The following MICU1 variants were observed in gnomAD, a reference collection of about 807,000 sequenced individuals.
The protein encoded by MICU1 is calcium uptake protein 1, mitochondrial.
A neutral mutation model predicts 56.8 loss-of-function variants in MICU1; 45 were observed. That is an observed-to-expected ratio of 0.79 (90% CI 0.62 to 1.02). The LOEUF (loss-of-function observed/expected upper bound fraction) is 1.02. MICU1 is among the 50% of genes least tolerant of loss of function. The pLI, the probability that MICU1 is intolerant of heterozygous loss-of-function variation, is 0.00. For synonymous variants in MICU1, 186 were observed against 195.1 expected (o/e 0.95, Z 0.39); for missense variants, 504 against 587.1 (o/e 0.86, Z 1.46).
intron 6 of MICU1, among the ~76,000 whole-genome samples, chr10:72,500,282 A>ATATT (rs1554881691): frequency 5.3e-3 from 75 of 14,066 alleles, no homozygotes; most frequent in African/African-American, 9.0e-3. Flanking sequence ...ATATATATAT[A>ATATT]TATATATATA....
At chr10:72,419,637 G>C (rs560568159) in intron 9 of MICU1, among the ~76,000 whole-genome samples, 1 of 152,328 alleles carries the variant, frequency 6.6e-6, no homozygotes, top group Non-Finnish European at 1.5e-5. Flanking sequence ...AGGAAAACTG[G>C]GACAAGCACT....
rs1271738633 is a variant in MICU1 at position 72,422,937 on chromosome 10, G to A, written c.1071+297C>T. On this transcript the variant is annotated intron_variant, in intron 9 of 11. Coordinates refer to ENST00000361114, the MANE Select transcript of MICU1 (RefSeq NM_001195518.2). The stretch of plus-strand genomic sequence containing the variant: ...GTTGGCCAGGCTGGTCTTGAACCAT[G>A]ACCAGCCCATGACTGAATTCTTTAT... Among the ~76,000 whole-genome samples the A allele has an allele frequency of 9.4e-5, 2 of 21,202 alleles. 1 individual carries two copies. Among genetic ancestry groups the A allele is most frequent in the Non-Finnish European group, 2.8e-4 (2 of 7,232 alleles). The allele number at this position is 21,202 out of a possible 152,430, so 13.9% of individuals were successfully genotyped here. A position where few individuals can be genotyped will look rare whatever the true frequency, so the allele number is the denominator to read the frequency against.
chr10:72,608,372 G>A (rs1339021053), intron 1 of MICU1, among the ~76,000 whole-genome samples: 7 of 152,062 alleles, frequency 4.6e-5, no homozygotes, highest in Non-Finnish European at 1.0e-4. Flanking sequence ...TCTCCTGGCC[G>A]AAATGCTTCT....
At chr10:72,590,641 G>A (rs998287639) in intron 1 of MICU1, among the ~76,000 whole-genome samples, 8 of 151,748 alleles carry the variant, frequency 5.3e-5, no homozygotes, top group Admixed American at 2.0e-4. Context: ...GTGAAACCCC[G>A]TCTCTACTAA....
chr10:72,534,932 G>C (rs1386544017), intron 4 of MICU1, among the ~76,000 whole-genome samples: 1 of 151,702 alleles, frequency 6.6e-6, no homozygotes, highest in African/African-American at 2.4e-5. Context: ...ATCAGAACAG[G>C]CTTCTGATAA....
At chr10:72,381,561 T>C (rs367919520) in intron 10 of MICU1, among the ~76,000 whole-genome samples, 2 of 152,244 alleles carry the variant, frequency 1.3e-5, no homozygotes, top group East Asian at 3.9e-4. Flanking sequence ...CTACAAGTAA[T>C]GGAAATGATA....
At chr10:72,402,461 C>T (rs1170082512) in intron 10 of MICU1, among the ~76,000 whole-genome samples, 3 of 152,062 alleles carry the variant, frequency 2.0e-5, no homozygotes, top group Non-Finnish European at 4.4e-5. Context: ...CCTTTAAAAA[C>T]CCACTTGTAA....
intron 5 of MICU1, chr10:72,532,875 C>A: frequency 8.6e-7 from 1 of 1,164,014 alleles, no homozygotes; most frequent in Non-Finnish European, 1.1e-6. Context: ...CAACACTTAT[C>A]TCTCCACCTT....
At chr10:72,383,062 G>A (rs1274933993) in intron 10 of MICU1, among the ~76,000 whole-genome samples, 1 of 152,108 alleles carries the variant, frequency 6.6e-6, no homozygotes, top group Non-Finnish European at 1.5e-5. Context: ...GGCAATAGAG[G>A]AAGACCTCAT....
chr10:72,404,596 G>T (rs557203381), intron 10 of MICU1, among the ~76,000 whole-genome samples: 1 of 152,144 alleles, frequency 6.6e-6, no homozygotes, highest in East Asian at 1.9e-4. Flanking sequence ...GGAGTAAAAG[G>T]GGATTTCAGA....
intron 8 of MICU1, among the ~76,000 whole-genome samples, chr10:72,450,842 A>G (rs1002007690): frequency 1.3e-5 from 2 of 149,940 alleles, no homozygotes; most frequent in African/African-American, 4.9e-5. Context: ...CTCCCGCTTC[A>G]GCCTCCCAAG....
intron 5 of MICU1, among the ~76,000 whole-genome samples, chr10:72,512,097 G>GTTTTTTTTTTTTTTTTTTTTTTTT (rs1867471926): frequency 7.9e-5 from 8 of 100,702 alleles, no homozygotes; most frequent in African/African-American, 3.3e-4. Flanking sequence ...TCCATACACA[G>GTTTTTTTTTTTTTTTTTTTTTTTT]TTGTTTTTTG....
intron 6 of MICU1, among the ~76,000 whole-genome samples, chr10:72,478,394 C>T (rs972122502): frequency 3.3e-5 from 5 of 152,244 alleles, no homozygotes; most frequent in Middle Eastern, 3.4e-3. Flanking sequence ...CAACAGCCCT[C>T]CTCCCTTCCC....
intron 4 of MICU1, among the ~76,000 whole-genome samples, chr10:72,549,684 A>C (rs1839984560): frequency 6.6e-6 from 1 of 152,046 alleles, no homozygotes; most frequent in Admixed American, 6.6e-5. Flanking sequence ...TAATCTCATC[A>C]CTTTGGGAGG....
intron 5 of MICU1, among the ~76,000 whole-genome samples, chr10:72,521,538 T>G (rs965845741): frequency 6.6e-6 from 1 of 152,058 alleles, no homozygotes; most frequent in East Asian, 1.9e-4. Flanking sequence ...ATTTGCATTA[T>G]CTCTTTAAGT....
chr10:72,416,009 T>C (rs965054697), intron 9 of MICU1, among the ~76,000 whole-genome samples: 9 of 152,160 alleles, frequency 5.9e-5, no homozygotes, highest in Admixed American at 5.2e-4. Context: ...AAATGTCTAG[T>C]ACACAGAAAG....
Position 72,368,236 on chromosome 10 carries a change from C to A in MICU1, c.1390G>T (p.Ala464Ser). 6.2e-7 allele frequency: 1 copy of A among 1,613,874 alleles called. No individual in the cohort carries two copies. The highest frequency in any genetic ancestry group is 8.5e-7 in the Non-Finnish European group (1 of 1,179,848). Reference sequence around the variant, plus strand: ...GCGAAGTCCCAGGCAGTTTCCTGTGCACATTTCCACATGGCCTGCATGAGG... The same window carrying A: ...GCGAAGTCCCAGGCAGTTTCCTGTGAACATTTCCACATGGCCTGCATGAGG... ...TRLMQAMWKC[A>S]QETAWDFALP... Residue 464 changes from alanine (A) to serine (S), a missense_variant, in exon 12 of 12, where the codon GCA becomes TCA. Transcript: ENST00000361114.
intron 1 of MICU1, among the ~76,000 whole-genome samples, chr10:72,573,638 A>G (rs934027368): frequency 2.0e-5 from 3 of 152,342 alleles, no homozygotes; most frequent in East Asian, 3.9e-4. Context: ...ACTTTGTAAA[A>G]TATATAATCA....
chr10:72,528,533 A>G (rs1255547669), intron 5 of MICU1, among the ~76,000 whole-genome samples: 1 of 152,204 alleles, frequency 6.6e-6, no homozygotes, highest in Admixed American at 6.5e-5. Context: ...GACATGGCTA[A>G]TTAACAATGC....
Sources: gnomAD v4.1 joint callset for allele counts (sites outside exome capture counted in the v4.1 genomes callset) on GRCh38, gnomAD v4.1.1 for gene constraint, MANE v1.5 for transcripts, NCBI Gene and HGNC (gene_info 2026-07-23, HGNC 2026-07-21) for gene names.